Variants in ST3GAL4 observed in about 807,000 individuals in gnomAD.
The protein encoded by ST3GAL4 is ST3 beta-galactoside alpha-2,3-sialyltransferase 4.
A neutral mutation model predicts 42.6 loss-of-function variants in ST3GAL4; 24 were observed. That is an observed-to-expected ratio of 0.56 (90% CI 0.41 to 0.79). The LOEUF (loss-of-function observed/expected upper bound fraction) is 0.79. Among genes scored for constraint, ST3GAL4 ranks in the 30% least tolerant of loss-of-function variants. The probability of loss-of-function intolerance (pLI) is 0.00; values close to 1 mark genes in which losing one functional copy is unlikely to be tolerated. For synonymous variants in ST3GAL4, 135 were observed against 163.2 expected, an observed-to-expected ratio of 0.83 and a Z score of 1.32; for missense variants, 311 against 430.8, an observed-to-expected ratio of 0.72 and a Z score of 2.46.
Position 126,355,732 on chromosome 11 carries a change from G to T in ST3GAL4, c.-171G>T, listed in dbSNP as rs1952037849. 1 of 151,870 alleles carries T rather than the reference G, an allele frequency of 6.6e-6. No homozygotes were observed. The highest frequency in any genetic ancestry group is 3.4e-3 in the Middle Eastern group (1 of 292). 9.4% of individuals were successfully genotyped at this position (151,870 alleles called of 1,614,324 possible). On this transcript the variant is annotated 5_prime_UTR_variant, in exon 1 of 11. Transcript: ENST00000444328. The surrounding 1 kb of genome is among the most constrained non-coding windows in gnomAD (Gnocchi z 7.1). ...CAGGCCGGACCCGCGCCCGGGACAGGGACCCGGCCGAGTCGAGCCGTCGCG... is the reference window on the plus strand; with the variant it reads ...CAGGCCGGACCCGCGCCCGGGACAGTGACCCGGCCGAGTCGAGCCGTCGCG...
Position 126,384,710 on chromosome 11 carries a change from C to T in ST3GAL4, c.-60-21386C>T. On this transcript the variant is annotated intron_variant, in intron 1 of 10. Coordinates refer to ENST00000444328, the MANE Select transcript of ST3GAL4 (RefSeq NM_001254757.2). This position sits in a 1 kb window ranked among gnomAD's most constrained non-coding sequence, Gnocchi z 5.5. Reference sequence around the variant, plus strand: ...CCTCCTCCCCCTCCCCTTCTGCATGCCACCACACCCCAGCAGCATCTCCTG... The same window carrying T: ...CCTCCTCCCCCTCCCCTTCTGCATGTCACCACACCCCAGCAGCATCTCCTG... 1 of 985,410 alleles carries T rather than the reference C, an allele frequency of 1.0e-6. No individual in the cohort carries two copies. The highest frequency in any genetic ancestry group is 1.2e-6 in the Non-Finnish European group (1 of 829,926). 61.0% of individuals were successfully genotyped at this position (985,410 alleles called of 1,614,324 possible).
intron 1 of ST3GAL4, among the ~76,000 whole-genome samples, chr11:126,357,568 G>A (rs953275778): frequency 6.6e-6 from 1 of 152,122 alleles, no homozygotes; most frequent in Non-Finnish European, 1.5e-5. Flanking sequence ...AGAGAGTGCC[G>A]TGCCCCCGCC....
At chr11:126,362,193 CTTTTTTT>C (rs763280766) in intron 1 of ST3GAL4, among the ~76,000 whole-genome samples, 1 of 119,090 alleles carries the variant, frequency 8.4e-6, no homozygotes, top group African/African-American at 3.3e-5. Flanking sequence ...ACATTTCTTC[CTTTTTTT>C]TTTTTTTTTT....
chr11:126,397,605 G>A lies in ST3GAL4; in HGVS notation c.-60-8491G>A, dbSNP rs1386979681. Among the ~76,000 whole-genome samples, 1 of 152,184 alleles carries A rather than the reference G, an allele frequency of 6.6e-6. No homozygotes were observed. The highest frequency in any genetic ancestry group is 6.5e-5 in the Admixed American group (1 of 15,268). Reference sequence around the variant, plus strand: ...CAGCGAGCGGGATGTGGAGGGTTAGGATGTTATCTTAGTCTGTTTTGTGCT... The same window carrying A: ...CAGCGAGCGGGATGTGGAGGGTTAGAATGTTATCTTAGTCTGTTTTGTGCT... On this transcript the variant is annotated intron_variant, in intron 1 of 10. Coordinates refer to ENST00000444328, the MANE Select transcript of ST3GAL4 (RefSeq NM_001254757.2). The surrounding 1 kb of genome is among the most constrained non-coding windows in gnomAD (Gnocchi z 5.0).
chr11:126,377,717 C>T (rs1347341305), intron 1 of ST3GAL4, among the ~76,000 whole-genome samples: 1 of 152,156 alleles, frequency 6.6e-6, no homozygotes, highest in African/African-American at 2.4e-5. Context: ...CTCAGGTGAT[C>T]CACCTCTCTC....
intron 1 of ST3GAL4, among the ~76,000 whole-genome samples, chr11:126,375,641 C>G (rs1166876123): frequency 2.6e-5 from 4 of 152,164 alleles, no homozygotes; most frequent in Admixed American, 6.5e-5. Flanking sequence ...ATATTTAATA[C>G]TTGCACAGCC....
At chr11:126,367,328 A>G (rs1366649769) in intron 1 of ST3GAL4, among the ~76,000 whole-genome samples, 16 of 152,228 alleles carry the variant, frequency 1.1e-4, no homozygotes, top group Admixed American at 9.2e-4. Context: ...AGGGCAGGGC[A>G]GAGTGGGAGT....
At position 126,406,102 on chromosome 11, in the gene ST3GAL4, C is replaced by T. The variant is rs773011450; in HGVS notation, c.-54C>T. 1.4e-5 allele frequency: 21 copies of T among 1,551,540 alleles called. 1 individual carries two copies. The highest frequency in any genetic ancestry group is 3.3e-4 in the Middle Eastern group (2 of 6,006). The stretch of plus-strand genomic sequence containing the variant: ...TGTGGCTCTTATTTCCTAGGTGGCC[C>T]GAGGCAGCCGGGATGACAGCTCTCC... On this transcript the variant is annotated 5_prime_UTR_variant, in exon 2 of 11. Transcript: ENST00000444328. The surrounding 1 kb of genome is among the most constrained non-coding windows in gnomAD (Gnocchi z 5.4).
At chr11:126,408,830 A>G in intron 8 of ST3GAL4, 5 of 435,504 alleles carry the variant, frequency 1.1e-5, no homozygotes, top group Non-Finnish European at 2.1e-5. Flanking sequence ...AGCCATCTCC[A>G]GGCTGAGGGC....
Position 126,414,259 on chromosome 11 carries a change from G to A in ST3GAL4, c.*212G>A, listed in dbSNP as rs1032974837. ...CAGTCAGGGTGGGGGCGCTGGAGCCGTGGGAGCCCGGCCAGGGCAGGGGGC... is the reference window on the plus strand; with the variant it reads ...CAGTCAGGGTGGGGGCGCTGGAGCCATGGGAGCCCGGCCAGGGCAGGGGGC... On this transcript the variant is annotated 3_prime_UTR_variant, in exon 11 of 11. Coordinates refer to ENST00000444328, the MANE Select transcript of ST3GAL4 (RefSeq NM_001254757.2). 5.6e-5 allele frequency: 33 copies of A among 586,962 alleles called. No individual in the cohort carries two copies. The highest frequency in any genetic ancestry group is 7.6e-5 in the Non-Finnish European group (25 of 328,356). 36.4% of individuals were successfully genotyped at this position (586,962 alleles called of 1,614,324 possible).
chr11:126,377,684 C>T (rs926999796), intron 1 of ST3GAL4, among the ~76,000 whole-genome samples: 3 of 151,858 alleles, frequency 2.0e-5, no homozygotes, highest in African/African-American at 7.3e-5. Flanking sequence ...GGGTTTCACC[C>T]AGGCTGGTCT....
Position 126,378,542 on chromosome 11 carries a change from G to A in ST3GAL4, c.-61+22700G>A, listed in dbSNP as rs1173974935. On this transcript the variant is annotated intron_variant, in intron 1 of 10. Transcript: ENST00000444328. The surrounding 1 kb of genome is among the most constrained non-coding windows in gnomAD (Gnocchi z 5.3). ...TCCTGCCTCAGCCTCCCAAGTAGCTGGGACTACAGGCACCACCACCACGCC... is the reference window on the plus strand; with the variant it reads ...TCCTGCCTCAGCCTCCCAAGTAGCTAGGACTACAGGCACCACCACCACGCC... 6.6e-6 allele frequency among the ~76,000 whole-genome samples: 1 copy of A among 152,066 alleles called. No homozygotes were observed. The highest frequency in any genetic ancestry group is 2.4e-5 in the African/African-American group (1 of 41,404).
In ST3GAL4 at chr11:126,396,414, T is replaced by G. The variant is rs1183735763; in HGVS notation, c.-60-9682T>G. ...GGTGGGATGTGGCTGCAAAAAATGG[T>G]CGGATTCATGGAAGTCTGGTGTCCA... is the stretch of plus-strand genomic sequence containing the variant. On this transcript the variant is annotated intron_variant, in intron 1 of 10. Transcript: ENST00000444328. This position sits in a 1 kb window ranked among gnomAD's most constrained non-coding sequence, Gnocchi z 5.8. Among the ~76,000 whole-genome samples the G allele has an allele frequency of 6.6e-6, 1 of 151,888 alleles. No homozygotes were observed. The highest frequency in any genetic ancestry group is 1.5e-5 in the Non-Finnish European group (1 of 67,996).
At chr11:126,367,081 C>T (rs757176692) in intron 1 of ST3GAL4, among the ~76,000 whole-genome samples, 7 of 152,076 alleles carry the variant, frequency 4.6e-5, no homozygotes, top group Non-Finnish European at 8.8e-5. Context: ...GGAGATGGAG[C>T]ACCGCTCATG....
chr11:126,358,224 T>A (rs1952135871), intron 1 of ST3GAL4, among the ~76,000 whole-genome samples: 1 of 152,240 alleles, frequency 6.6e-6, no homozygotes, highest in African/African-American at 2.4e-5. Flanking sequence ...CGGCTGGACG[T>A]TTCCCTGCAA....
chr11:126,393,970 G>A lies in ST3GAL4; in HGVS notation c.-60-12126G>A, dbSNP rs901074585. ...TTGGGGTACTAAATCTTTGAAATCC[G>A]GTGTGTATTTTCCACTTAAAGCACA... On this transcript the variant is annotated intron_variant, in intron 1 of 10. Transcript: ENST00000444328. This position sits in a 1 kb window ranked among gnomAD's most constrained non-coding sequence, Gnocchi z 5.9. 2.0e-5 allele frequency among the ~76,000 whole-genome samples: 3 copies of A among 152,174 alleles called. No homozygotes were observed. The highest frequency in any genetic ancestry group is 2.9e-5 in the Non-Finnish European group (2 of 68,028).
intron 1 of ST3GAL4, among the ~76,000 whole-genome samples, chr11:126,405,300 T>A (rs563915831): frequency 2.0e-4 from 31 of 152,326 alleles, no homozygotes; most frequent in African/African-American, 7.5e-4. Context: ...AGCCTCTGCT[T>A]GTGTGCAGGG....
At chr11:126,381,478 G>A (rs1952999459) in intron 1 of ST3GAL4, among the ~76,000 whole-genome samples, 1 of 150,830 alleles carries the variant, frequency 6.6e-6, no homozygotes, top group South Asian at 2.1e-4. Flanking sequence ...TGGGGACCAG[G>A]AGACACCAGG....
chr11:126,387,196 C>T (rs1679489406), intron 1 of ST3GAL4, among the ~76,000 whole-genome samples: 1 of 152,190 alleles, frequency 6.6e-6, no homozygotes, highest in Admixed American at 6.5e-5. Context: ...ACTTCCCTTC[C>T]AGATAGTGCC....
Sources: gnomAD v4.1 joint callset for allele counts (sites outside exome capture counted in the v4.1 genomes callset) on GRCh38, gnomAD v4.1.1 for gene constraint, Gnocchi (gnomAD v3.1) non-coding constraint, MANE v1.5 for transcripts, NCBI Gene and HGNC (gene_info 2026-07-23, HGNC 2026-07-21) for gene names.